Variants in PARM1 observed in about 807,000 individuals in gnomAD.
PARM1 encodes the protein WSC4, cell wall integrity and stress response component 4 homolog.
In PARM1, 14 loss-of-function variants were observed where a neutral mutation model predicts 24.6. That is an observed-to-expected ratio of 0.57 (90% CI 0.38 to 0.89). The LOEUF is 0.89. PARM1 is among the 40% of genes least tolerant of loss of function. The pLI, the probability that PARM1 is intolerant of heterozygous loss-of-function variation, is 0.00. For synonymous variants in PARM1, 179 were observed against 156.6 expected, an observed-to-expected ratio of 1.14 and a Z score of -1.07; for missense variants, 362 against 380.4, an observed-to-expected ratio of 0.95 and a Z score of 0.40.
intron 1 of PARM1, among the ~76,000 whole-genome samples, chr4:74,938,600 A>G (rs1386816240): frequency 6.6e-6 from 1 of 152,206 alleles, no homozygotes; most frequent in African/African-American, 2.4e-5. Context: ...GTTGTCATCT[A>G]GTTAATCTGC....
intron 1 of PARM1, among the ~76,000 whole-genome samples, chr4:74,962,628 A>G (rs1721801312): frequency 6.6e-6 from 1 of 152,242 alleles, no homozygotes; most frequent in Non-Finnish European, 1.5e-5. Context: ...CATGCAAACA[A>G]GAGAGCAGGG....
chr4:75,040,898 G>A (rs12509971), intron 3 of PARM1, among the ~76,000 whole-genome samples: 2 of 151,806 alleles, frequency 1.3e-5, no homozygotes, highest in Admixed American at 6.6e-5. Flanking sequence ...TGGCTCATCC[G>A]TCATCTCCTC....
intron 2 of PARM1, among the ~76,000 whole-genome samples, chr4:75,024,492 A>G (rs1436503737): frequency 1.3e-5 from 2 of 152,124 alleles, no homozygotes; most frequent in African/African-American, 4.8e-5. Flanking sequence ...CTTGGCAACC[A>G]GAGTTAGGAC....
rs555343310 is a variant in PARM1 at position 75,012,798 on chromosome 4, G to T, written c.417G>T (p.Ser139=). Residue 139 remains serine, a synonymous_variant, in exon 2 of 4, where the codon TCG becomes TCT. Coordinates refer to ENST00000307428, the MANE Select transcript of PARM1 (RefSeq NM_015393.4). The stretch of plus-strand genomic sequence containing the variant: ...AAGCAGGCGTGGCAGCTACACTGTC[G>T]CAGTCCGCTGCTGAGCCTCCCACAC... ...TPEAGVAATL[S]QSAAEPPTLI... 8.1e-6 allele frequency: 13 copies of T among 1,613,888 alleles called. No individual in the cohort carries two copies. The highest frequency in any genetic ancestry group is 8.5e-6 in the Non-Finnish European group (10 of 1,179,868).
intron 1 of PARM1, among the ~76,000 whole-genome samples, chr4:75,011,012 C>T (rs1722859733): frequency 1.3e-5 from 2 of 152,164 alleles, no homozygotes; most frequent in African/African-American, 2.4e-5. Context: ...GGAGCAGGCA[C>T]ATCTCATGGT....
intron 1 of PARM1, among the ~76,000 whole-genome samples, chr4:74,966,446 C>A (rs1390903096): frequency 6.6e-6 from 1 of 152,090 alleles, no homozygotes; most frequent in Non-Finnish European, 1.5e-5. Flanking sequence ...GTTGCTAAAC[C>A]AACTGAAGAG....
chr4:75,013,759 A>G (rs928816629), intron 2 of PARM1, among the ~76,000 whole-genome samples: 1 of 152,262 alleles, frequency 6.6e-6, no homozygotes, highest in East Asian at 1.9e-4. Flanking sequence ...TTTCAAGGGA[A>G]AGACAATAAA....
At chr4:74,978,021 T>TATGCAGACCA (rs1249832177) in intron 1 of PARM1, among the ~76,000 whole-genome samples, 2 of 152,158 alleles carry the variant, frequency 1.3e-5, no homozygotes, top group African/African-American at 4.8e-5. Context: ...CACACTGAGG[T>TATGCAGACCA]ATGCAGACCA....
chr4:74,972,035 G>A (rs1722047840), intron 1 of PARM1, among the ~76,000 whole-genome samples: 1 of 152,202 alleles, frequency 6.6e-6, no homozygotes, highest in Non-Finnish European at 1.5e-5. Flanking sequence ...TTAGGGTGTG[G>A]CTGTAAGTCT....
chr4:74,976,253 C>T (rs1466507830), intron 1 of PARM1, among the ~76,000 whole-genome samples: 1 of 152,218 alleles, frequency 6.6e-6, no homozygotes, highest in African/African-American at 2.4e-5. Context: ...TCCAGTCTGT[C>T]ATTCTCCCCT....
intron 1 of PARM1, among the ~76,000 whole-genome samples, chr4:74,934,384 T>C (rs533529848): frequency 1.3e-5 from 2 of 152,332 alleles, no homozygotes; most frequent in East Asian, 1.9e-4. Context: ...TGCTTTAGTC[T>C]GTATATCCTC....
chr4:74,965,812 G>A (rs1019284824), intron 1 of PARM1, among the ~76,000 whole-genome samples: 1 of 152,200 alleles, frequency 6.6e-6, no homozygotes, highest in Admixed American at 6.5e-5. Context: ...TCAAGGTGAT[G>A]AAAACAAGGA....
In PARM1 at chr4:75,033,950, C is replaced by T. The variant is rs1395548493; in HGVS notation, c.837C>T (p.Tyr279=). 9 of 1,600,686 alleles carry T rather than the reference C, an allele frequency of 5.6e-6. No individual in the cohort carries two copies. Among genetic ancestry groups the T allele is most frequent in the Non-Finnish European group, 7.7e-6 (9 of 1,173,356 alleles). ...VVLLVFGVAA[Y]LKIRHSSYGR... ...TGCTGGTGTTTGGAGTTGCAGCCTA[C>T]CTAAAAATCAGGTGAGACGCAGCTT... Residue 279 remains tyrosine, a synonymous_variant, in exon 3 of 4, where the codon TAC becomes TAT. Transcript: ENST00000307428.
At chr4:74,963,316 A>C (rs1369971187) in intron 1 of PARM1, among the ~76,000 whole-genome samples, 1 of 152,252 alleles carries the variant, frequency 6.6e-6, no homozygotes, top group Non-Finnish European at 1.5e-5. Context: ...TATTAAACCC[A>C]AAAGAATTCA....
rs1721211352 is a variant in PARM1 at position 74,937,162 on chromosome 4, ACT to A, written c.43+3795_43+3796del. 5.3e-5 allele frequency among the ~76,000 whole-genome samples: 8 copies of A among 152,264 alleles called. No homozygotes were observed. The South Asian group carries it at 1.7e-3, about 32-fold the overall frequency. On this transcript the variant is annotated intron_variant, in intron 1 of 3. Transcript: ENST00000307428. ...ACTTACTTCACCCTGCACATTTATG[ACT>A]CTGTACTTGATATATGTCAGCTTAG...
intron 1 of PARM1, among the ~76,000 whole-genome samples, chr4:74,934,124 C>T (rs1721126623): frequency 6.6e-6 from 1 of 152,128 alleles, no homozygotes; most frequent in Admixed American, 6.5e-5. Context: ...CGGCGACGAC[C>T]TCTGGCAGCG....
chr4:75,025,221 C>T (rs890247925), intron 2 of PARM1, among the ~76,000 whole-genome samples: 1 of 152,190 alleles, frequency 6.6e-6, no homozygotes, highest in Non-Finnish European at 1.5e-5. Context: ...ATTCCCCAGC[C>T]TGGCCTCTGG....
chr4:74,950,089 T>C (rs1721493707), intron 1 of PARM1, among the ~76,000 whole-genome samples: 1 of 152,094 alleles, frequency 6.6e-6, no homozygotes, highest in African/African-American at 2.4e-5. Flanking sequence ...AGTAAATAAG[T>C]GTCCTATCCC....
rs553349779 is a variant in PARM1 at position 75,007,875 on chromosome 4, A to C, written c.44-4550A>C. ...ATGTGAGGAAAGGTCACGTGAGGACACAGATAGAAGGCGATCATCTTCAAG... is the reference window on the plus strand; with the variant it reads ...ATGTGAGGAAAGGTCACGTGAGGACCCAGATAGAAGGCGATCATCTTCAAG... On this transcript the variant is annotated intron_variant, in intron 1 of 3. Coordinates refer to ENST00000307428, the MANE Select transcript of PARM1 (RefSeq NM_015393.4). 3.3e-4 allele frequency among the ~76,000 whole-genome samples: 50 copies of C among 152,326 alleles called. 2 individuals are homozygous for C. The South Asian group carries it at 9.8e-3, about 30-fold the overall frequency.
Sources: gnomAD v4.1 joint callset for allele counts (sites outside exome capture counted in the v4.1 genomes callset) on GRCh38, gnomAD v4.1.1 for gene constraint, MANE v1.5 for transcripts, NCBI Gene and HGNC (gene_info 2026-07-23, HGNC 2026-07-21) for gene names.